The following PTPRD variants were observed in gnomAD, a reference collection of about 807,000 sequenced individuals.
PTPRD encodes the protein protein tyrosine phosphatase receptor type D, also known as receptor-type tyrosine-protein phosphatase delta.
PTPRD carries 34 observed loss-of-function variants against 214.5 expected under a neutral mutation model. The observed-to-expected ratio is 0.16, with a 90% CI of 0.12 to 0.21. The LOEUF (loss-of-function observed/expected upper bound fraction) is 0.21. Ranked by LOEUF, PTPRD falls within the 10% of genes least tolerant of loss-of-function variation. The pLI is 1.00. For missense variants in PTPRD, 2,545 were observed against 2,398.7 expected, an observed-to-expected ratio of 1.06 and a Z score of -1.27; for synonymous variants, 1,128 against 845.7, an observed-to-expected ratio of 1.33 and a Z score of -5.79.
At chr9:8,362,510 A>T (rs957607906) in intron 39 of PTPRD, among the ~76,000 whole-genome samples, 1 of 152,234 alleles carries the variant, frequency 6.6e-6, no homozygotes, top group Non-Finnish European at 1.5e-5. Context: ...AGCAAGCATG[A>T]GTCCAGACTG....
intron 11 of PTPRD, among the ~76,000 whole-genome samples, chr9:8,988,755 G>C (rs1247130149): frequency 6.6e-6 from 1 of 151,990 alleles, no homozygotes; most frequent in Admixed American, 6.6e-5. Context: ...ATTACACGAA[G>C]TTTGTTTTCA....
chr9:8,984,972 T>C (rs1258932638), intron 11 of PTPRD, among the ~76,000 whole-genome samples: 1 of 152,108 alleles, frequency 6.6e-6, no homozygotes, highest in Non-Finnish European at 1.5e-5. Flanking sequence ...GCTTTGGAAA[T>C]GATTGAATCA....
intron 9 of PTPRD, among the ~76,000 whole-genome samples, chr9:9,336,110 T>C (rs914971117): frequency 3.3e-5 from 5 of 152,136 alleles, no homozygotes; most frequent in Non-Finnish European, 7.4e-5. Flanking sequence ...TTTATTTTCA[T>C]TATTACGGAG....
chr9:10,252,994 G>C (rs1311064638), intron 3 of PTPRD, among the ~76,000 whole-genome samples: 7 of 152,104 alleles, frequency 4.6e-5, no homozygotes, highest in African/African-American at 1.2e-4. Context: ...ATATTGGCCA[G>C]AGTGGTCTCA....
intron 14 of PTPRD, among the ~76,000 whole-genome samples, chr9:8,610,631 C>A (rs2095413974): frequency 1.3e-5 from 2 of 152,142 alleles, no homozygotes; most frequent in Non-Finnish European, 2.9e-5. Flanking sequence ...ACAGACTGAC[C>A]TTTAAAGTAT....
chr9:9,964,939 C>T (rs1354287766), intron 4 of PTPRD, among the ~76,000 whole-genome samples: 2 of 152,062 alleles, frequency 1.3e-5, no homozygotes, highest in Non-Finnish European at 2.9e-5. Context: ...CCTAATTTTT[C>T]TTCTCTTACT....
chr9:9,593,374 T>C (rs775847494), intron 7 of PTPRD, among the ~76,000 whole-genome samples: 2 of 151,938 alleles, frequency 1.3e-5, no homozygotes, highest in African/African-American at 4.8e-5. Flanking sequence ...CATGTGTATG[T>C]ATATGCTATA....
At chr9:9,555,738 C>T (rs912163319) in intron 8 of PTPRD, among the ~76,000 whole-genome samples, 1 of 151,954 alleles carries the variant, frequency 6.6e-6, no homozygotes, top group Non-Finnish European at 1.5e-5. Flanking sequence ...GATAAAACTA[C>T]AAAAAACATT....
At chr9:8,933,993 T>C (rs541016703) in intron 11 of PTPRD, among the ~76,000 whole-genome samples, 130 of 152,020 alleles carry the variant, frequency 8.6e-4, no homozygotes, top group African/African-American at 3.0e-3. Flanking sequence ...GGAAAGGAAA[T>C]GAAAGATTGG....
Position 9,863,384 on chromosome 9 carries a change from G to A in PTPRD, c.-368+75123C>T, listed in dbSNP as rs191593999. The stretch of plus-strand genomic sequence containing the variant: ...ACACCCGACAGTCATATTTTTAAAT[G>A]TAAAATCAAGAATGTAAGAGTGAGC... On this transcript the variant is annotated intron_variant, in intron 5 of 45. Coordinates refer to ENST00000381196, the MANE Select transcript of PTPRD (RefSeq NM_002839.4). Among the ~76,000 whole-genome samples, 516 of 152,264 alleles carry A rather than the reference G, an allele frequency of 3.4e-3. 4 individuals carry two copies. The highest frequency in any genetic ancestry group is 5.8e-3 in the South Asian group (28 of 4,828).
At chr9:10,067,994 G>A (rs1212837837) in intron 3 of PTPRD, among the ~76,000 whole-genome samples, 2 of 151,910 alleles carry the variant, frequency 1.3e-5, no homozygotes, top group South Asian at 4.1e-4. Flanking sequence ...GCGCCACACT[G>A]AATCACAATT....
chr9:8,400,480 G>T (rs1170990251), intron 36 of PTPRD, among the ~76,000 whole-genome samples: 1 of 152,182 alleles, frequency 6.6e-6, no homozygotes, highest in East Asian at 1.9e-4. Context: ...AATAGGAAAT[G>T]AGATAGGAAA....
chr9:8,328,263 T>A (rs949478816), intron 44 of PTPRD, among the ~76,000 whole-genome samples: 1 of 152,142 alleles, frequency 6.6e-6, no homozygotes, highest in Non-Finnish European at 1.5e-5. Context: ...ATTTTATTTC[T>A]CCTTCACTTA....
intron 11 of PTPRD, among the ~76,000 whole-genome samples, chr9:8,858,844 C>T (rs1243110175): frequency 1.3e-5 from 2 of 150,682 alleles, no homozygotes; most frequent in Non-Finnish European, 2.9e-5. Context: ...CACACACAGA[C>T]ACACAGACAC....
intron 7 of PTPRD, among the ~76,000 whole-genome samples, chr9:9,656,812 G>A (rs1455304313): frequency 6.6e-6 from 1 of 152,026 alleles, no homozygotes; most frequent in South Asian, 2.1e-4. Flanking sequence ...TGTAACAAAT[G>A]TACTTCTCTG....
At position 9,366,953 on chromosome 9, in the gene PTPRD, A is replaced by G. The variant is rs554063019; in HGVS notation, c.-203+30496T>C. 5.9e-5 allele frequency among the ~76,000 whole-genome samples: 9 copies of G among 151,536 alleles called. No individual in the cohort carries two copies. In the South Asian group the frequency reaches 1.7e-3, roughly 28 times the overall value. Reference sequence around the variant, plus strand: ...ATGTATAACTGGTTTTGGAAATAAAAATGAAAAAAATTACAAAATGTCCTG... The same window carrying G: ...ATGTATAACTGGTTTTGGAAATAAAGATGAAAAAAATTACAAAATGTCCTG... On this transcript the variant is annotated intron_variant, in intron 9 of 45. Coordinates refer to ENST00000381196, the MANE Select transcript of PTPRD (RefSeq NM_002839.4).
intron 10 of PTPRD, among the ~76,000 whole-genome samples, chr9:9,062,417 C>A (rs935403249): frequency 1.3e-5 from 2 of 152,128 alleles, no homozygotes; most frequent in Admixed American, 1.3e-4. Context: ...ATAATTTCTT[C>A]AAGATTTGTG....
rs575093231 is a variant in PTPRD at position 9,305,553 on chromosome 9, C to A, written c.-203+91896G>T. ...CCATGCCATATATTGGATTCAATAG[C>A]GCCTCTCTCTTCTGTCTCACCAATC... On this transcript the variant is annotated intron_variant, in intron 9 of 45. Coordinates refer to ENST00000381196, the MANE Select transcript of PTPRD (RefSeq NM_002839.4). Among the ~76,000 whole-genome samples, 7 of 152,166 alleles carry A rather than the reference C, an allele frequency of 4.6e-5. 1 individual carries two copies. In the South Asian group the frequency reaches 1.0e-3, roughly 23 times the overall value.
At chr9:8,763,677 A>G (rs1195483877) in intron 11 of PTPRD, among the ~76,000 whole-genome samples, 1 of 146,118 alleles carries the variant, frequency 6.8e-6, no homozygotes. Flanking sequence ...CCCTAAAACA[A>G]AAAAAAAAAA....
Sources: gnomAD v4.1 joint callset for allele counts (sites outside exome capture counted in the v4.1 genomes callset) on GRCh38, gnomAD v4.1.1 for gene constraint, MANE v1.5 for transcripts, NCBI Gene and HGNC (gene_info 2026-07-23, HGNC 2026-07-21) for gene names.